Variants in ZFHX3 observed in about 807,000 individuals in gnomAD.
The protein encoded by ZFHX3 is zinc finger homeobox protein 3.
ZFHX3 carries 42 observed loss-of-function variants against 279.1 expected under a neutral mutation model. The ratio of observed to expected loss-of-function variants is 0.15; its 90% CI spans 0.12 to 0.19. The LOEUF (loss-of-function observed/expected upper bound fraction) is 0.19, where lower values mean the gene tolerates loss of function less well. ZFHX3 is among the 10% of genes least tolerant of loss of function. The pLI is 1.00. For synonymous variants in ZFHX3, 2,293 were observed against 1,957.8 expected, an observed-to-expected ratio of 1.17 and a Z score of -4.52; for missense variants, 4,981 against 4,754.0, an observed-to-expected ratio of 1.05 and a Z score of -1.40.
At chr16:73,762,026 A>G (rs1435337080) in intron 1 of ZFHX3, among the ~76,000 whole-genome samples, 3 of 152,148 alleles carry the variant, frequency 2.0e-5, no homozygotes, top group Non-Finnish European at 4.4e-5. Flanking sequence ...AAAAGAAACT[A>G]TCATCAGAGC....
chr16:73,767,844 C>T (rs865947733), intron 1 of ZFHX3, among the ~76,000 whole-genome samples: 15 of 152,194 alleles, frequency 9.9e-5, no homozygotes, highest in Middle Eastern at 6.8e-3. Context: ...CAGTCAGAGC[C>T]CCAGCAGGAA....
intron 2 of ZFHX3, among the ~76,000 whole-genome samples, chr16:73,539,363 C>T (rs1176920563): frequency 6.8e-6 from 1 of 146,926 alleles, no homozygotes; most frequent in Non-Finnish European, 1.5e-5. Flanking sequence ...ACCCCCTGAA[C>T]ATTTCTAAAC....
At chr16:72,820,840 G>A (rs1015352828) in intron 5 of ZFHX3, among the ~76,000 whole-genome samples, 1 of 152,164 alleles carries the variant, frequency 6.6e-6, no homozygotes, top group African/African-American at 2.4e-5. Context: ...AAAAAGCCCA[G>A]AGGTGCAGGA....
chr16:73,649,916 G>A (rs1245188581), intron 2 of ZFHX3, among the ~76,000 whole-genome samples: 3 of 152,174 alleles, frequency 2.0e-5, no homozygotes, highest in East Asian at 3.9e-4. Context: ...TCGAAGCACT[G>A]GTGTGGTTCA....
rs147773508 is a variant in ZFHX3 at position 73,539,614 on chromosome 16, G to T, written c.-1546-83356C>A. 6.0e-4 allele frequency among the ~76,000 whole-genome samples: 91 copies of T among 151,726 alleles called. 1 individual carries two copies. The highest frequency in any genetic ancestry group is 2.2e-3 in the African/African-American group (89 of 41,382). ...GATATCAAAAGAGGGAACTTTTATA[G>T]GTTTCCTCGATAACATGGACAATAA... On this transcript the variant is annotated intron_variant, in intron 2 of 17. Transcript: ENST00000641206.
At chr16:72,920,897 C>A (rs1474063596) in intron 3 of ZFHX3, among the ~76,000 whole-genome samples, 1 of 151,694 alleles carries the variant, frequency 6.6e-6, no homozygotes, top group East Asian at 1.9e-4. Flanking sequence ...AAGTGAGACC[C>A]CCCATATCTA....
chr16:73,314,028 G>C (rs1165603372), intron 4 of ZFHX3, among the ~76,000 whole-genome samples: 2 of 152,132 alleles, frequency 1.3e-5, no homozygotes, highest in East Asian at 3.9e-4. Flanking sequence ...GAGCTCAGGA[G>C]GTGGAGGTTG....
At chr16:73,130,417 T>A (rs567559686) in intron 7 of ZFHX3, among the ~76,000 whole-genome samples, 1 of 152,348 alleles carries the variant, frequency 6.6e-6, no homozygotes, top group Admixed American at 6.5e-5. Context: ...CCAGGATCCC[T>A]GGCACCATAC....
At chr16:73,064,859 C>G (rs1965726967) in intron 8 of ZFHX3, among the ~76,000 whole-genome samples, 1 of 152,220 alleles carries the variant, frequency 6.6e-6, no homozygotes, top group Non-Finnish European at 1.5e-5. Flanking sequence ...CTCCCGGGTT[C>G]CACACCGCCT....
At chr16:73,361,692 G>A (rs1399930728) in intron 3 of ZFHX3, among the ~76,000 whole-genome samples, 4 of 152,134 alleles carry the variant, frequency 2.6e-5, no homozygotes, top group Admixed American at 6.5e-5. Context: ...TAGGGGTCTG[G>A]TGTCCATCAA....
At chr16:73,100,368 G>T (rs1452061402) in intron 7 of ZFHX3, among the ~76,000 whole-genome samples, 3 of 152,158 alleles carry the variant, frequency 2.0e-5, no homozygotes, top group African/African-American at 7.2e-5. Context: ...CTCAAGAGCT[G>T]AGACGATCTC....
intron 2 of ZFHX3, among the ~76,000 whole-genome samples, chr16:73,537,486 G>A (rs2019925563): frequency 6.6e-6 from 1 of 151,884 alleles, no homozygotes; most frequent in Non-Finnish European, 1.5e-5. Context: ...CCGGCTAATT[G>A]TTTGTATTTC....
intron 1 of ZFHX3, among the ~76,000 whole-genome samples, chr16:72,986,915 T>C (rs1489912556): frequency 6.6e-6 from 1 of 151,864 alleles, no homozygotes; most frequent in Non-Finnish European, 1.5e-5. Flanking sequence ...GGAGGCCGAG[T>C]CAGACAGACC....
intron 3 of ZFHX3, among the ~76,000 whole-genome samples, chr16:73,360,217 A>G (rs1387672553): frequency 6.6e-6 from 1 of 152,272 alleles, no homozygotes; most frequent in Non-Finnish European, 1.5e-5. Context: ...TAGTATAATA[A>G]TAATTGCAAC....
chr16:72,888,637 C>A (rs1039522788), intron 4 of ZFHX3, among the ~76,000 whole-genome samples: 6 of 152,164 alleles, frequency 3.9e-5, no homozygotes, highest in Non-Finnish European at 8.8e-5. Context: ...AAAAACACCC[C>A]GGAAGCCAAG....
intron 2 of ZFHX3, among the ~76,000 whole-genome samples, chr16:73,587,933 C>T (rs920539141): frequency 2.6e-5 from 4 of 152,076 alleles, no homozygotes; most frequent in African/African-American, 7.2e-5. Context: ...AGCATACCAA[C>T]CACAGAACAG....
intron 8 of ZFHX3, among the ~76,000 whole-genome samples, chr16:73,088,247 G>GCAAT (rs1305317100): frequency 6.6e-6 from 1 of 151,982 alleles, no homozygotes; most frequent in South Asian, 2.1e-4. Context: ...CTGGGCTCAA[G>GCAAT]CAATCCTTCC....
At chr16:73,251,721 C>T (rs1449279274) in intron 5 of ZFHX3, among the ~76,000 whole-genome samples, 1 of 129,522 alleles carries the variant, frequency 7.7e-6, no homozygotes, top group South Asian at 2.7e-4. Context: ...ATACACACCA[C>T]ACACGCACAC....
At position 72,785,220 on chromosome 16, in the gene ZFHX3, A is replaced by C. The variant is rs1037027085; in HGVS notation, c.*1944T>G. The C allele has an allele frequency of 3.9e-5, 6 of 152,640 alleles. No individual in the cohort carries two copies. Among genetic ancestry groups the C allele is most frequent in the African/African-American group, 1.4e-4 (6 of 41,440 alleles). The allele number at this position is 152,640 out of a possible 1,614,324, so 9.5% of individuals were successfully genotyped here. On this transcript the variant is annotated 3_prime_UTR_variant, in exon 10 of 10. Coordinates refer to ENST00000268489, the MANE Select transcript of ZFHX3 (RefSeq NM_006885.4). ...GCAGCACAAAGTTTTCAAAGTTCAG[A>C]CCATTTATTTATTTTTCTTTTTACA...
Sources: allele counts gnomAD v4.1 joint callset (sites outside exome capture counted in the v4.1 genomes callset), GRCh38; gene constraint gnomAD v4.1.1; transcripts MANE v1.5; gene names NCBI Gene and HGNC (gene_info 2026-07-23, HGNC 2026-07-21).